Variants in CWF19L1 observed in about 807,000 individuals in gnomAD.
CWF19L1 encodes the protein CWF19-like protein 1.
In CWF19L1, 60 loss-of-function variants were observed where a neutral mutation model predicts 69.7. The ratio of observed to expected loss-of-function variants is 0.86; its 90% confidence interval spans 0.70 to 1.07. The LOEUF (loss-of-function observed/expected upper bound fraction) is 1.07. CWF19L1 is among the 50% of genes least tolerant of loss of function. The pLI, the probability that CWF19L1 is intolerant of heterozygous loss-of-function variation, is 0.00. For synonymous variants in CWF19L1, 209 were observed against 222.2 expected, an observed-to-expected ratio of 0.94 and a Z score of 0.53; for missense variants, 591 against 638.9, an observed-to-expected ratio of 0.92 and a Z score of 0.81.
intron 6 of CWF19L1, among the ~76,000 whole-genome samples, chr10:100,251,043 CAT>C (rs1470494614): frequency 9.9e-5 from 15 of 152,036 alleles, no homozygotes; most frequent in African/African-American, 3.6e-4. Flanking sequence ...TGTTGTAGCA[CAT>C]GTCAGTACTT....
At chr10:100,245,603 G>A (rs756074859) in intron 9 of CWF19L1, among the ~76,000 whole-genome samples, 196 bp downstream of exon 9, 13 of 152,194 alleles carry the variant, frequency 8.5e-5, no homozygotes, top group Admixed American at 7.2e-4. Context: ...TACATTGCCA[G>A]TGGGAATATA....
chr10:100,246,148 A>G, intron 8 of CWF19L1: 1 of 445,216 alleles, frequency 2.2e-6, no homozygotes, highest in Non-Finnish European at 4.1e-6. Context: ...AAAACGAGTT[A>G]AAATGCAAGT....
At chr10:100,248,984 C>T (rs116839007) in intron 7 of CWF19L1, 2 of 680,808 alleles carry the variant, frequency 2.9e-6, no homozygotes, top group Admixed American at 4.1e-5. Flanking sequence ...AAGCTGGAAG[C>T]TGTGGAGGAC....
At chr10:100,239,966 G>A (rs1447011996) in intron 10 of CWF19L1, among the ~76,000 whole-genome samples, 1 of 152,162 alleles carries the variant, frequency 6.6e-6, no homozygotes, top group African/African-American at 2.4e-5. Context: ...ATTTTTGTCA[G>A]AAGGTCACTG....
chr10:100,249,586 CT>C (rs967265653), intron 7 of CWF19L1, among the ~76,000 whole-genome samples: 13 of 150,986 alleles, frequency 8.6e-5, no homozygotes, highest in Non-Finnish European at 1.6e-4. Context: ...CTCTGGGTTT[CT>C]TTTTTTTTGT....
intron 11 of CWF19L1, 145 bp downstream of exon 11, chr10:100,237,877 G>A: frequency 1.5e-6 from 1 of 676,626 alleles, no homozygotes; most frequent in South Asian, 1.8e-5. Context: ...TTGAACTCCT[G>A]AGCTCAGGCA....
In CWF19L1 at chr10:100,257,287, CTTTTTTTTTTTTT is replaced by C. The variant is rs55939570; in HGVS notation, c.290-824_290-812del. Among the ~76,000 whole-genome samples, 351 of 105,864 alleles carry C rather than the reference CTTTTTTTTTTTTT, an allele frequency of 3.3e-3. 2 individuals are homozygous for C. Among genetic ancestry groups the C allele is most frequent in the African/African-American group, 0.012 (341 of 27,552 alleles). The allele number at this position is 105,864 out of a possible 152,430, so 69.5% of individuals were successfully genotyped here. A position where few individuals can be genotyped will look rare whatever the true frequency, so the allele number is the denominator to read the frequency against. On this transcript the variant is annotated intron_variant, in intron 4 of 13. Coordinates refer to ENST00000354105, the MANE Select transcript of CWF19L1 (RefSeq NM_018294.6). The stretch of plus-strand genomic sequence containing the variant: ...GAGTCATCCATGCTAAGTGCTTTAC[CTTTTTTTTTTTTT>C]TTTTTTTTTTTTGAGATGGAGTCTC...
At chr10:100,237,388 C>T in intron 11 of CWF19L1, 2 of 410,432 alleles carry the variant, frequency 4.9e-6, no homozygotes, top group Non-Finnish European at 9.6e-6. Flanking sequence ...TTCCCTCATG[C>T]TGGGCCTCCA....
intron 3 of CWF19L1, 152 bp downstream of exon 3, chr10:100,260,814 C>A (rs768987693): frequency 4.0e-5 from 23 of 579,724 alleles, no homozygotes; most frequent in Middle Eastern, 5.0e-4. Flanking sequence ...TGAGCCACTG[C>A]GCCGGATAGT....
At chr10:100,244,990 A>G (rs1043404143) in intron 9 of CWF19L1, among the ~76,000 whole-genome samples, 8 of 151,236 alleles carry the variant, frequency 5.3e-5, no homozygotes, top group African/African-American at 1.9e-4. Flanking sequence ...ATAAAGCTCT[A>G]GTTTCTGAAT....
At position 100,256,478 on chromosome 10, in the gene CWF19L1, T is replaced by C. The variant is rs139847227; in HGVS notation, c.290-2A>G. Reference sequence around the variant, plus strand: ...TTCCAGTGAAGATACCTTTACGACCTGGGTTCAAAGAAAAATGAACAAATT... The same window carrying C: ...TTCCAGTGAAGATACCTTTACGACCCGGGTTCAAAGAAAAATGAACAAATT... On this transcript the variant is annotated splice_acceptor_variant, in intron 4 of 13. Transcript: ENST00000354105. LOFTEE classifies it high-confidence loss of function. 2 of 1,613,684 alleles carry C rather than the reference T, an allele frequency of 1.2e-6. No homozygotes were observed. Among genetic ancestry groups the C allele is most frequent in the Non-Finnish European group, 1.7e-6 (2 of 1,179,646 alleles).
At chr10:100,248,854 G>A in intron 7 of CWF19L1, 3 of 1,132,710 alleles carry the variant, frequency 2.6e-6, no homozygotes, top group Non-Finnish European at 4.0e-6. Context: ...CAGATTTGTG[G>A]CAGAAAAGGC....
At chr10:100,244,026 A>T (rs1258209789) in intron 9 of CWF19L1, among the ~76,000 whole-genome samples, 1 of 152,230 alleles carries the variant, frequency 6.6e-6, no homozygotes, top group African/African-American at 2.4e-5. Context: ...ACACTGACTA[A>T]AGTAGCACAT....
chr10:100,265,697 GT>G (rs946245199), intron 1 of CWF19L1, among the ~76,000 whole-genome samples: 1 of 151,470 alleles, frequency 6.6e-6, no homozygotes, highest in African/African-American at 2.4e-5. Flanking sequence ...ATTTTTGTAT[GT>G]TTAGTAGACA....
At chr10:100,241,000 CTTTTTTTTTTTTTT>C (rs56262807) in intron 10 of CWF19L1, among the ~76,000 whole-genome samples, 2 of 70,630 alleles carry the variant, frequency 2.8e-5, no homozygotes, top group African/African-American at 1.3e-4. Context: ...CTAATTAAGC[CTTTTTTTTTTTTTT>C]TTTTTTTTTT....
intron 4 of CWF19L1, among the ~76,000 whole-genome samples, chr10:100,259,948 C>T (rs1232942841): frequency 6.6e-6 from 1 of 152,092 alleles, no homozygotes; most frequent in African/African-American, 2.4e-5. Context: ...GGGCGGATCA[C>T]GAGGTAAGGA....
intron 1 of CWF19L1, among the ~76,000 whole-genome samples, chr10:100,265,814 C>T (rs1242947449): frequency 6.6e-6 from 1 of 152,182 alleles, no homozygotes; most frequent in African/African-American, 2.4e-5. Context: ...AGCCACCACA[C>T]CCGGCCAGGT....
At position 100,232,983 on chromosome 10, in the gene CWF19L1, T is replaced by TA. The variant is rs1846324805; in HGVS notation, c.*243dup. The TA allele has an allele frequency of 7.2e-6, 2 of 278,400 alleles. No homozygotes were observed. Among genetic ancestry groups the TA allele is most frequent in the Admixed American group, 5.2e-5 (1 of 19,350 alleles). 17.2% of individuals were successfully genotyped at this position (278,400 alleles called of 1,614,324 possible). On this transcript the variant is annotated 3_prime_UTR_variant, in exon 14 of 14. Transcript: ENST00000354105. ...ACACAGGGAGACCCTCCTGTCTCTA[T>TA]AAAAAATCAAAAAAGTTTGCCAGGC... is the stretch of plus-strand genomic sequence containing the variant.
rs747787152 is a variant in CWF19L1 at position 100,245,841 on chromosome 10, C to T, written c.922G>A (p.Asp308Asn). 8.1e-6 allele frequency: 13 copies of T among 1,614,100 alleles called. No homozygotes were observed. The highest frequency in any genetic ancestry group is 1.3e-5 in the African/African-American group (1 of 74,938). The change falls in exon 9 of 14, where the codon GAT becomes AAT. Residue 308 changes from aspartate to asparagine, a missense_variant. Asp to Asn is a conservative substitution (Grantham distance 23, BLOSUM62 1). Transcript: ENST00000354105. ...TTTGGATGAGGAGAAGATTTGCTAT[C>T]TCTACCTGTGGATGAACGCTTCCTT... is the stretch of plus-strand genomic sequence containing the variant. ...QGRKRSSTGR[D>N]SKSSPHPKQP...
Sources: allele counts gnomAD v4.1 joint callset (sites outside exome capture counted in the v4.1 genomes callset), GRCh38; gene constraint gnomAD v4.1.1; transcripts MANE v1.5; gene names NCBI Gene and HGNC (gene_info 2026-07-23, HGNC 2026-07-21).